The following RTTN variants were observed in gnomAD, a reference collection of about 807,000 sequenced individuals.
RTTN encodes rotatin.
RTTN carries 182 observed loss-of-function variants against 269.2 expected under a neutral mutation model. The observed-to-expected ratio is 0.68, with a 90% CI of 0.60 to 0.76. The LOEUF (loss-of-function observed/expected upper bound fraction) is 0.76, where lower values mean the gene tolerates loss of function less well. Ranked by LOEUF, RTTN falls within the 30% of genes least tolerant of loss-of-function variation. The pLI is 0.00. For synonymous variants in RTTN, 1,006 were observed against 963.5 expected (o/e 1.04, Z -0.82); for missense variants, 2,545 against 2,608.6 (o/e 0.98, Z 0.53).
intron 44 of RTTN, among the ~76,000 whole-genome samples, chr18:70,023,005 C>T (rs1375451725): frequency 6.6e-6 from 1 of 152,168 alleles, no homozygotes; most frequent in Non-Finnish European, 1.5e-5. Flanking sequence ...GTCCCAGTGG[C>T]GCCTGCCTCT....
At chr18:70,191,497 TACTTC>T (rs1396298752) in intron 8 of RTTN, among the ~76,000 whole-genome samples, 1 of 152,202 alleles carries the variant, frequency 6.6e-6, no homozygotes, top group Non-Finnish European at 1.5e-5. Flanking sequence ...GGAAATGTAT[TACTTC>T]ACTTAGTACA....
intron 17 of RTTN, among the ~76,000 whole-genome samples, chr18:70,148,659 G>C (rs1406361722): frequency 6.6e-6 from 1 of 152,152 alleles, no homozygotes; most frequent in Non-Finnish European, 1.5e-5. Flanking sequence ...GCGGCACTTA[G>C]TAGCAGTCCT....
At chr18:70,018,189 TCATTA>T (rs140898154) in intron 45 of RTTN, among the ~76,000 whole-genome samples, 2,939 of 152,300 alleles carry the variant, frequency 0.019, 90 homozygotes, top group African/African-American at 0.065. Flanking sequence ...CAGGTACTTA[TCATTA>T]CAAGTAAGAA....
chr18:70,057,874 T>A (rs551113511), intron 36 of RTTN, 42 bp from the exon 37 acceptor site: 1 of 1,352,030 alleles, frequency 7.4e-7, no homozygotes, highest in South Asian at 1.2e-5. Flanking sequence ...AAGATTAGTA[T>A]ACTTTTTATT....
intron 39 of RTTN, 114 bp from the exon 40 acceptor site, chr18:70,048,302 G>C: frequency 1.0e-6 from 1 of 984,990 alleles, no homozygotes; most frequent in Non-Finnish European, 1.5e-6. Context: ...TTACCAACTT[G>C]TGTGATTGTG....
chr18:70,130,388 C>T (rs2059967731), intron 23 of RTTN: 1 of 151,854 alleles, frequency 6.6e-6, no homozygotes, highest in Non-Finnish European at 1.5e-5. Flanking sequence ...AAGTGTCCAT[C>T]AATAGATGAA....
intron 32 of RTTN, among the ~76,000 whole-genome samples, chr18:70,083,274 G>C (rs937594009): frequency 1.8e-4 from 28 of 151,848 alleles, no homozygotes; most frequent in African/African-American, 6.8e-4. Context: ...AAATAAAAGG[G>C]GACTTATGCT....
chr18:70,160,818 G>A (rs2060808034), intron 14 of RTTN, among the ~76,000 whole-genome samples: 1 of 151,696 alleles, frequency 6.6e-6, no homozygotes. Flanking sequence ...ATCACAATGA[G>A]AATTGTAAAA....
rs192331450 is a variant in RTTN at position 70,149,196 on chromosome 18, G to C, written c.2173-159C>G. Among the ~76,000 whole-genome samples the C allele has an allele frequency of 1.3e-3, 193 of 152,202 alleles. 4 individuals carry two copies. The highest frequency in any genetic ancestry group is 0.013 in the South Asian group (61 of 4,818). ...TTTAAAATAACTTCTATGAGCCAAG[G>C]AGCCTAAATAAAACTGTATTTAAAA... On this transcript the variant is annotated intron_variant, in intron 16 of 48. Transcript: ENST00000640769.
intron 26 of RTTN, among the ~76,000 whole-genome samples, chr18:70,116,845 T>C (rs750889689): frequency 1.1e-4 from 16 of 152,010 alleles, no homozygotes; most frequent in African/African-American, 2.9e-4. Context: ...AAAATATATA[T>C]GCTGTGTAGT....
At chr18:70,172,474 T>A (rs1419708713) in intron 11 of RTTN, among the ~76,000 whole-genome samples, 1 of 152,152 alleles carries the variant, frequency 6.6e-6, no homozygotes, top group African/African-American at 2.4e-5. Flanking sequence ...AAATTTAACA[T>A]CAATGAAATA....
At chr18:70,025,759 A>G (rs2056836285) in intron 43 of RTTN, among the ~76,000 whole-genome samples, 1 of 152,200 alleles carries the variant, frequency 6.6e-6, no homozygotes, top group Non-Finnish European at 1.5e-5. Context: ...CATTCTGTCC[A>G]CATAGTTTAT....
chr18:70,104,042 T>C (rs1352888671), intron 28 of RTTN, among the ~76,000 whole-genome samples: 9 of 152,222 alleles, frequency 5.9e-5, no homozygotes, highest in Non-Finnish European at 1.3e-4. Flanking sequence ...CCTGCCTTGC[T>C]AGGTTGGGGA....
intron 5 of RTTN, among the ~76,000 whole-genome samples, chr18:70,198,188 AG>A: frequency 6.6e-6 from 1 of 152,344 alleles, no homozygotes; most frequent in Admixed American, 6.5e-5. Flanking sequence ...GAATCAGATT[AG>A]GACTCCCCTC....
intron 8 of RTTN, among the ~76,000 whole-genome samples, chr18:70,191,742 C>T (rs1473523385): frequency 6.6e-6 from 1 of 152,158 alleles, no homozygotes; most frequent in Admixed American, 6.5e-5. Flanking sequence ...TGCTATGGAA[C>T]ATTTAAATTT....
chr18:70,165,282 CTTTAAATTA>C (rs2060955169), intron 14 of RTTN, among the ~76,000 whole-genome samples: 1 of 151,296 alleles, frequency 6.6e-6, no homozygotes, highest in Non-Finnish European at 1.5e-5. Context: ...ATATAAAATT[CTTTAAATTA>C]TTTAAAGATA....
chr18:70,069,279 T>C (rs1381378809), intron 34 of RTTN, among the ~76,000 whole-genome samples: 1 of 152,192 alleles, frequency 6.6e-6, no homozygotes, highest in Non-Finnish European at 1.5e-5. Context: ...TTTCATCACA[T>C]ATACATATGT....
chr18:70,042,481 T>C (rs2057374575), intron 40 of RTTN, among the ~76,000 whole-genome samples: 1 of 144,288 alleles, frequency 6.9e-6, no homozygotes, highest in African/African-American at 2.5e-5. Context: ...GTTCACACCA[T>C]TCTCCTGCCT....
intron 10 of RTTN, among the ~76,000 whole-genome samples, chr18:70,183,297 CAAAG>C (rs1181769643): frequency 2.0e-5 from 3 of 152,130 alleles, no homozygotes; most frequent in Admixed American, 6.6e-5. Flanking sequence ...GAGAGCTATG[CAAAG>C]AAAGAATTTC....
Sources: allele counts gnomAD v4.1 joint callset (sites outside exome capture counted in the v4.1 genomes callset), GRCh38; gene constraint gnomAD v4.1.1; transcripts MANE v1.5; gene names NCBI Gene and HGNC (gene_info 2026-07-23, HGNC 2026-07-21).